The following ATP2B2 variants were observed in gnomAD, a reference collection of about 807,000 sequenced individuals.
ATP2B2 encodes plasma membrane calcium-transporting ATPase 2.
Under a neutral mutation model 120.0 loss-of-function variants are expected in ATP2B2, and 15 were observed. The ratio of observed to expected loss-of-function variants is 0.12; its 90% CI spans 0.08 to 0.19. The LOEUF (loss-of-function observed/expected upper bound fraction) is 0.19, where lower values mean the gene tolerates loss of function less well. Among genes scored for constraint, ATP2B2 ranks in the 10% least tolerant of loss-of-function variants. The pLI, the probability that ATP2B2 is intolerant of heterozygous loss-of-function variation, is 1.00. For synonymous variants in ATP2B2, 694 were observed against 700.3 expected (o/e 0.99, Z 0.14); for missense variants, 1,045 against 1,719.8 (o/e 0.61, Z 6.94).
intron 1 of ATP2B2, among the ~76,000 whole-genome samples, chr3:10,681,540 A>G (rs943098054): frequency 2.6e-5 from 4 of 152,256 alleles, no homozygotes; most frequent in African/African-American, 9.6e-5. Context: ...TCATGCAAAC[A>G]TTCACTGAAC....
intron 1 of ATP2B2, among the ~76,000 whole-genome samples, chr3:10,686,957 A>G (rs1215346785): frequency 1.3e-5 from 2 of 152,224 alleles, no homozygotes; most frequent in Non-Finnish European, 1.5e-5. Flanking sequence ...CCCAAAGAGG[A>G]GTCTGGGATA....
chr3:10,479,745 A>G (rs1445853362), intron 1 of ATP2B2, among the ~76,000 whole-genome samples: 1 of 152,164 alleles, frequency 6.6e-6, no homozygotes, highest in Non-Finnish European at 1.5e-5. Context: ...ATCTGCAAGT[A>G]GTTCAAGGAG....
At chr3:10,457,920 C>G (rs1000007150) in intron 1 of ATP2B2, among the ~76,000 whole-genome samples, 1 of 152,154 alleles carries the variant, frequency 6.6e-6, no homozygotes, top group Non-Finnish European at 1.5e-5. Flanking sequence ...TGGAGCTTCT[C>G]ACCCTCACGC....
chr3:10,432,942 G>C (rs2063366619), intron 2 of ATP2B2, among the ~76,000 whole-genome samples: 1 of 152,212 alleles, frequency 6.6e-6, no homozygotes, highest in South Asian at 2.1e-4. Flanking sequence ...GCTGGGGTAG[G>C]GGATGGGCTG....
intron 5 of ATP2B2, among the ~76,000 whole-genome samples, chr3:10,396,933 C>T (rs938220986): frequency 3.3e-5 from 5 of 152,180 alleles, no homozygotes; most frequent in Non-Finnish European, 7.4e-5. Context: ...CAAGTCCAGG[C>T]CTCACCCAAG....
intron 1 of ATP2B2, among the ~76,000 whole-genome samples, chr3:10,451,387 C>A (rs1000246214): frequency 1.3e-5 from 2 of 152,174 alleles, no homozygotes; most frequent in Admixed American, 1.3e-4. Context: ...GTTTTTGGAG[C>A]CCTGGTTCAC....
chr3:10,588,043 G>GT (rs2068555298), intron 2 of ATP2B2, among the ~76,000 whole-genome samples: 1 of 152,210 alleles, frequency 6.6e-6, no homozygotes. Context: ...GTATTCTCTC[G>GT]TGGATTTTAC....
intron 2 of ATP2B2, among the ~76,000 whole-genome samples, chr3:10,551,021 G>A (rs73811926): frequency 0.057 from 8,622 of 152,284 alleles, 431 homozygotes; most frequent in African/African-American, 0.13. Flanking sequence ...CAGCACTGAG[G>A]CAGGTGGGAA....
chr3:10,647,216 G>A (rs2070344116), intron 1 of ATP2B2, among the ~76,000 whole-genome samples: 1 of 152,118 alleles, frequency 6.6e-6, no homozygotes, highest in South Asian at 2.1e-4. Flanking sequence ...AGGCATGACT[G>A]GCAGGGAAAT....
intron 2 of ATP2B2, among the ~76,000 whole-genome samples, chr3:10,443,546 CG>C (rs2063738566): frequency 7.0e-6 from 1 of 143,778 alleles, no homozygotes; most frequent in African/African-American, 3.0e-5. Context: ...GATGTTAACC[CG>C]AAGCTGCCGG....
intron 3 of ATP2B2, among the ~76,000 whole-genome samples, chr3:10,531,326 G>C (rs937287401): frequency 6.6e-6 from 1 of 152,198 alleles, no homozygotes; most frequent in Non-Finnish European, 1.5e-5. Flanking sequence ...TCAGAGTGCT[G>C]GTTCCCAGCA....
intron 1 of ATP2B2, among the ~76,000 whole-genome samples, chr3:10,697,225 C>T (rs2125717397): frequency 6.6e-6 from 1 of 152,268 alleles, no homozygotes; most frequent in East Asian, 1.9e-4. Flanking sequence ...TCCAGGCTTC[C>T]CTTTCAGTCA....
In ATP2B2 at chr3:10,501,802, A is replaced by G. The variant is rs576152193; in HGVS notation, c.-320+3663T>C. On this transcript the variant is annotated intron_variant, in intron 1 of 22. Transcript: ENST00000360273. ...GTGTGACAGGTACAGGCAGAACAGCATGGTGTCTAGGCCACCCCCAGCTCT... is the reference window on the plus strand; with the variant it reads ...GTGTGACAGGTACAGGCAGAACAGCGTGGTGTCTAGGCCACCCCCAGCTCT... 2.6e-5 allele frequency among the ~76,000 whole-genome samples: 4 copies of G among 152,270 alleles called. No individual in the cohort carries two copies. In the East Asian group the frequency reaches 7.7e-4, roughly 29 times the overall value.
At chr3:10,478,576 C>T (rs970356272) in intron 1 of ATP2B2, among the ~76,000 whole-genome samples, 3 of 152,158 alleles carry the variant, frequency 2.0e-5, no homozygotes, top group African/African-American at 7.2e-5. Context: ...CCTCCTGCTC[C>T]CCTGGGATTT....
chr3:10,515,970 T>C (rs2066868916), intron 3 of ATP2B2, among the ~76,000 whole-genome samples: 1 of 152,212 alleles, frequency 6.6e-6, no homozygotes, highest in African/African-American at 2.4e-5. Context: ...GTTCTGGAGT[T>C]GCTTATACTG....
chr3:10,352,713 A>G (rs2060613578), intron 14 of ATP2B2, among the ~76,000 whole-genome samples: 1 of 152,150 alleles, frequency 6.6e-6, no homozygotes, highest in Non-Finnish European at 1.5e-5. Context: ...GGCTGGAGGG[A>G]GTGGGAATGT....
chr3:10,660,106 A>G (rs888068851), intron 1 of ATP2B2, among the ~76,000 whole-genome samples: 1 of 152,232 alleles, frequency 6.6e-6, no homozygotes, highest in Non-Finnish European at 1.5e-5. Context: ...CAGTGTGTAG[A>G]GGGAAATTTA....
chr3:10,609,847 G>A lies in ATP2B2; in HGVS notation c.-415+10070C>T, dbSNP rs1489337902. ...CTCTGATCAATTCACGGGGGAGTGG[G>A]CTGTTTGGCCTGGCACTGAGTGACC... is the stretch of plus-strand genomic sequence containing the variant. On this transcript the variant is annotated intron_variant, in intron 2 of 21. Coordinates refer to the ATP2B2 transcript ENST00000646379. Among the ~76,000 whole-genome samples the A allele has an allele frequency of 3.9e-5, 6 of 152,054 alleles. 1 individual carries two copies. In the East Asian group the frequency reaches 1.2e-3, roughly 29 times the overall value.
In ATP2B2 at chr3:10,337,259, C is replaced by T. The variant is rs138004899; in HGVS notation, c.3420+917G>A. On this transcript the variant is annotated intron_variant, in intron 22 of 22. Coordinates refer to ENST00000360273, the MANE Select transcript of ATP2B2 (RefSeq NM_001001331.4). ...GACCCAGGTGAGCTCTCTGCTACAT[C>T]GGATGGAAATGAGGTGCTGGGCCAC... 4.3e-4 allele frequency among the ~76,000 whole-genome samples: 65 copies of T among 152,258 alleles called. No individual in the cohort carries two copies. In the East Asian group the frequency reaches 0.011, roughly 27 times the overall value.
Sources: allele counts gnomAD v4.1 joint callset (sites outside exome capture counted in the v4.1 genomes callset), GRCh38; gene constraint gnomAD v4.1.1; transcripts MANE v1.5; gene names NCBI Gene and HGNC (gene_info 2026-07-23, HGNC 2026-07-21).